The following APOO variants were observed in gnomAD, a reference collection of about 807,000 sequenced individuals.
APOO encodes apolipoprotein O, also known as MICOS complex subunit MIC26.
APOO carries 11 observed loss-of-function variants against 23.1 expected under a neutral mutation model. The ratio of observed to expected loss-of-function variants is 0.48; its 90% confidence interval spans 0.30 to 0.79. The LOEUF (loss-of-function observed/expected upper bound fraction) is 0.79. APOO is among the 30% of genes least tolerant of loss of function. The probability of loss-of-function intolerance (pLI) is 0.07; values close to 1 mark genes in which losing one functional copy is unlikely to be tolerated. For synonymous variants in APOO, 59 were observed against 54.8 expected, an observed-to-expected ratio of 1.08 and a Z score of -0.34; for missense variants, 160 against 142.7, an observed-to-expected ratio of 1.12 and a Z score of -0.62.
chrX:23,867,868 T>A (rs749598420), intron 5 of APOO, among the ~76,000 whole-genome samples: 14 of 112,207 alleles, frequency 1.2e-4, no homozygotes, highest in Non-Finnish European at 2.4e-4. Context: ...TTACCCAGCC[T>A]CAGATATTCC....
chrX:23,881,230 A>G (rs1926107719), intron 1 of APOO, among the ~76,000 whole-genome samples: 1 of 109,160 alleles, frequency 9.2e-6, no homozygotes. Context: ...GTCTGCCACC[A>G]CACCCGGCTA....
chrX:23,849,711 G>A (rs768683575), intron 7 of APOO, among the ~76,000 whole-genome samples: 2 of 106,986 alleles, frequency 1.9e-5, no homozygotes, highest in South Asian at 8.7e-4. Flanking sequence ...GTCCAATATG[G>A]TGAAACCCCA....
intron 1 of APOO, among the ~76,000 whole-genome samples, chrX:23,900,879 G>A (rs1348691057): frequency 9.0e-6 from 1 of 111,117 alleles, no homozygotes; most frequent in East Asian, 2.8e-4. Context: ...ATTTATGTGA[G>A]TAAAAATGTA....
chrX:23,850,746 G>C (rs987281499), intron 7 of APOO, among the ~76,000 whole-genome samples: 1 of 111,594 alleles, frequency 9.0e-6, no homozygotes, highest in African/African-American at 3.3e-5. Flanking sequence ...AGAATTGCTT[G>C]AACCCAGCAG....
At chrX:23,847,935 G>A (rs1187500734) in intron 7 of APOO, among the ~76,000 whole-genome samples, 2 of 107,544 alleles carry the variant, frequency 1.9e-5, no homozygotes, top group African/African-American at 6.7e-5. Flanking sequence ...GGAGTACAAC[G>A]GCGGGATCTT....
At chrX:23,837,832 T>A (rs185995001) in intron 8 of APOO, among the ~76,000 whole-genome samples, 9 of 105,928 alleles carry the variant, frequency 8.5e-5, no homozygotes, top group Admixed American at 2.1e-4. Flanking sequence ...CTAATTTTTT[T>A]AATTTTTTGT....
intron 5 of APOO, among the ~76,000 whole-genome samples, chrX:23,867,936 T>C (rs1024514587): frequency 1.3e-4 from 15 of 112,151 alleles, no homozygotes; most frequent in African/African-American, 4.5e-4. Context: ...ATGGTTCTCT[T>C]TTACAGGGGT....
At chrX:23,871,651 T>A (rs1455525573) in intron 4 of APOO, among the ~76,000 whole-genome samples, 1 of 111,424 alleles carries the variant, frequency 9.0e-6, no homozygotes, top group East Asian at 2.8e-4. Context: ...CCTCCTCGAT[T>A]TCAATTAAAC....
intron 5 of APOO, among the ~76,000 whole-genome samples, chrX:23,865,797 G>A (rs142067662): frequency 1.6e-4 from 18 of 110,998 alleles, no homozygotes; most frequent in African/African-American, 5.9e-4. Flanking sequence ...TATACCCAAC[G>A]CTCAGGAGAA....
intron 1 of APOO, among the ~76,000 whole-genome samples, chrX:23,882,893 C>T (rs1382381567): frequency 1.8e-5 from 2 of 110,626 alleles, no homozygotes; most frequent in African/African-American, 6.6e-5. Flanking sequence ...ACGATCCACC[C>T]ACCGCGGCCT....
intron 7 of APOO, among the ~76,000 whole-genome samples, chrX:23,851,573 G>A (rs1293868388): frequency 8.9e-6 from 1 of 112,551 alleles, no homozygotes; most frequent in Non-Finnish European, 1.9e-5. Context: ...CTATACATAT[G>A]TTATATATTC....
rs1601924983 is a variant in APOO at position 23,880,881 on chromosome X, CT to C, written c.80del (p.Lys27ArgfsTer9). 5.9e-6 allele frequency: 7 copies of C among 1,187,897 alleles called. No individual in the cohort carries two copies. The highest frequency in any genetic ancestry group is 6.1e-5 in the East Asian group (2 of 32,766). ...TCACGGAATTTTTGGGAGGTGAGTC[CT>C]TTTTTGGTGCTGCATAGACTTTGAA... The part of the protein sequence containing the change: ...LTFKVYAAPK[K>X]DSPPKNSVKV... On this transcript the variant is annotated frameshift_variant, in exon 2 of 9. Transcript: ENST00000379226. LOFTEE classifies it high-confidence loss of function.
At chrX:23,847,126 A>C (rs1308574672) in intron 7 of APOO, among the ~76,000 whole-genome samples, 2 of 111,260 alleles carry the variant, frequency 1.8e-5, no homozygotes, top group Non-Finnish European at 3.8e-5. Context: ...ACGATGGGAA[A>C]TTCTGGGAAC....
At chrX:23,894,197 TG>T in intron 1 of APOO, among the ~76,000 whole-genome samples, 1 of 110,078 alleles carries the variant, frequency 9.1e-6, no homozygotes, top group Non-Finnish European at 1.9e-5. Context: ...CAGGCTGGAG[TG>T]CAGTGGTGTG....
At chrX:23,840,135 G>A (rs2146964299) in intron 8 of APOO, 178 bp downstream of exon 8, 2 of 310,933 alleles carry the variant, frequency 6.4e-6, no homozygotes, top group East Asian at 1.1e-4. Context: ...TAACATTAGT[G>A]GAACAAACAC....
rs747271141 is a variant in APOO at position 23,843,579 on chromosome X, CTT to C, written c.562-3204_562-3203del. ...CGTCCATGAACACAAATGACAATTT[CTT>C]TTTTTTTTTTTTTTTTTTTTTGAGA... On this transcript the variant is annotated intron_variant, in intron 7 of 8. Transcript: ENST00000379226. Among the ~76,000 whole-genome samples the C allele has an allele frequency of 5.2e-3, 321 of 61,694 alleles. 1 individual carries two copies. Among genetic ancestry groups the C allele is most frequent in the East Asian group, 0.028 (49 of 1,725 alleles). The allele number at this position is 61,694 out of a possible 115,157, so 53.6% of individuals were successfully genotyped here. A position where few individuals can be genotyped will look rare whatever the true frequency, so the allele number is the denominator to read the frequency against.
chrX:23,889,512 A>G (rs1926530331), intron 1 of APOO, among the ~76,000 whole-genome samples: 1 of 110,864 alleles, frequency 9.0e-6, no homozygotes, highest in African/African-American at 3.3e-5. Flanking sequence ...ACTCTCTCCC[A>G]TTTAAAAAAA....
chrX:23,840,848 T>C (rs904979608), intron 7 of APOO: 2 of 111,719 alleles, frequency 1.8e-5, no homozygotes, highest in African/African-American at 3.3e-5. Flanking sequence ...TTATCCACCA[T>C]AGGGGCCAAT....
chrX:23,841,854 C>G (rs757742917), intron 7 of APOO, among the ~76,000 whole-genome samples: 18 of 111,367 alleles, frequency 1.6e-4, no homozygotes, highest in African/African-American at 4.6e-4. Flanking sequence ...ACCCCACTGA[C>G]CGAGACCAGA....
Sources: allele counts gnomAD v4.1 joint callset (sites outside exome capture counted in the v4.1 genomes callset), GRCh38; gene constraint gnomAD v4.1.1; transcripts MANE v1.5; gene names NCBI Gene and HGNC (gene_info 2026-07-23, HGNC 2026-07-21).